Variants in PCDHGA2 observed in about 807,000 individuals in gnomAD.
PCDHGA2 encodes the protein protocadherin gamma subfamily A, 2, also known as protocadherin gamma-A2.
PCDHGA2 carries 40 observed loss-of-function variants against 59.2 expected under a neutral mutation model. That is an observed-to-expected ratio of 0.68 (90% confidence interval 0.52 to 0.88). PCDHGA2 has a LOEUF of 0.88. PCDHGA2 is among the 40% of genes least tolerant of loss of function. The probability of loss-of-function intolerance (pLI) is 0.00; values close to 1 mark genes in which losing one functional copy is unlikely to be tolerated. For synonymous variants in PCDHGA2, 560 were observed against 526.0 expected, an observed-to-expected ratio of 1.06 and a Z score of -0.89; for missense variants, 1,226 against 1,204.0, an observed-to-expected ratio of 1.02 and a Z score of -0.27.
intron 1 of PCDHGA2, chr5:141,395,296 ATG>A: frequency 6.6e-7 from 1 of 1,524,308 alleles, no homozygotes. Flanking sequence ...GGCATAAATT[ATG>A]TTTTGAAAAA....
intron 1 of PCDHGA2, chr5:141,419,534 G>C: frequency 6.2e-7 from 1 of 1,612,078 alleles, no homozygotes; most frequent in African/African-American, 1.3e-5. Context: ...TAACGACAAC[G>C]CACCGCGGGT....
At chr5:141,488,259 C>T (rs1594750656) in intron 1 of PCDHGA2, among the ~76,000 whole-genome samples, 1 of 152,144 alleles carries the variant, frequency 6.6e-6, no homozygotes, top group African/African-American at 2.4e-5. Context: ...AAGGTTGGGG[C>T]GGGTTGGTCA....
intron 1 of PCDHGA2, 47 bp downstream of exon 1, chr5:141,341,442 A>G (rs1392856500): frequency 1.2e-6 from 2 of 1,610,334 alleles, no homozygotes; most frequent in Non-Finnish European, 1.7e-6. Flanking sequence ...TTGCTGAAGT[A>G]ATTCACTTAC....
intron 1 of PCDHGA2, among the ~76,000 whole-genome samples, chr5:141,463,438 C>CTTTTTTTTT (rs71576115): frequency 4.8e-5 from 5 of 103,252 alleles, no homozygotes; most frequent in African/African-American, 2.2e-4. Context: ...TTTCCTTCTC[C>CTTTTTTTTT]TTTTTTTTTT....
intron 1 of PCDHGA2, among the ~76,000 whole-genome samples, chr5:141,447,275 G>A (rs2098532748): frequency 1.3e-5 from 2 of 152,154 alleles, no homozygotes; most frequent in South Asian, 2.1e-4. Context: ...AAGTAGCTGG[G>A]ACTACAGGCA....
chr5:141,382,990 A>T, intron 1 of PCDHGA2: 4 of 1,613,412 alleles, frequency 2.5e-6, no homozygotes, highest in Non-Finnish European at 3.4e-6. Context: ...GGCAGGACGT[A>T]TTCTCTACTC....
intron 1 of PCDHGA2, chr5:141,419,158 C>T (rs757849297): frequency 5.0e-6 from 8 of 1,613,950 alleles, no homozygotes; most frequent in Admixed American, 1.7e-5. Context: ...CTCCGTTATC[C>T]TCCAGCAAAA....
At chr5:141,418,641 T>C in intron 1 of PCDHGA2, 3 of 1,614,028 alleles carry the variant, frequency 1.9e-6, no homozygotes, top group Non-Finnish European at 2.5e-6. Flanking sequence ...GGCACCTCCA[T>C]CCTGAGAGTG....
chr5:141,382,167 G>A (rs1003056701), intron 1 of PCDHGA2, among the ~76,000 whole-genome samples: 7 of 152,038 alleles, frequency 4.6e-5, no homozygotes, highest in African/African-American at 1.7e-4. Context: ...GAAGGTGTTA[G>A]ACCGTCTCTA....
chr5:141,357,918 G>A (rs953225930), intron 1 of PCDHGA2, among the ~76,000 whole-genome samples: 1 of 152,172 alleles, frequency 6.6e-6, no homozygotes, highest in Non-Finnish European at 1.5e-5. Flanking sequence ...TGCTGGGTGT[G>A]GTGGCTCACA....
rs764056952 is a variant in PCDHGA2 at position 141,405,326 on chromosome 5, T to G, written c.2424+63931T>G. On this transcript the variant is annotated intron_variant, in intron 1 of 3. Transcript: ENST00000394576. ...GAGCTGTGAGAAAAATGAGCCTTTG[T>G]GCGTCTCTGTTGATTCCAAGTTTCC... The G allele has an allele frequency of 2.5e-6, 4 of 1,614,220 alleles. No individual in the cohort carries two copies. Among genetic ancestry groups the G allele is most frequent in the Admixed American group, 3.3e-5 (2 of 60,026 alleles).
At chr5:141,376,144 G>A (rs753001081) in intron 1 of PCDHGA2, 6 of 1,613,800 alleles carry the variant, frequency 3.7e-6, no homozygotes, top group South Asian at 1.1e-5. Context: ...CCAACGATTC[G>A]GACCTCACTC....
Position 141,341,191 on chromosome 5 carries a change from T to G in PCDHGA2, c.2220T>G (p.Phe740Leu), listed in dbSNP as rs1189040857. 6.2e-7 allele frequency: 1 copy of G among 1,614,108 alleles called. No individual in the cohort carries two copies. The highest frequency in any genetic ancestry group is 8.5e-7 in the Non-Finnish European group (1 of 1,180,054). The change falls in exon 1 of 4, where the codon TTT becomes TTG. Residue 740 changes from phenylalanine (F) to leucine (L), a missense_variant. By Grantham distance (22) the Phe-to-Leu change is conservative. Transcript: ENST00000394576. Reference sequence around the variant, plus strand: ...TGACAGGCATGCAGAGCTCGCACTTTGTGGGCGTGGACGGGGTTCGGGCTT... The same window carrying G: ...TGACAGGCATGCAGAGCTCGCACTTGGTGGGCGTGGACGGGGTTCGGGCTT... ...GSLTGMQSSH[F>L]VGVDGVRAFL...
At chr5:141,465,657 G>T (rs904553709) in intron 1 of PCDHGA2, among the ~76,000 whole-genome samples, 2 of 152,130 alleles carry the variant, frequency 1.3e-5, no homozygotes, top group Non-Finnish European at 2.9e-5. Context: ...CCAAAAAAGC[G>T]CTTGCCATGA....
chr5:141,419,936 G>T, intron 1 of PCDHGA2: 2 of 1,614,074 alleles, frequency 1.2e-6, no homozygotes, highest in Non-Finnish European at 1.7e-6. Context: ...GTTTTACCTG[G>T]TGGTGGCCTT....
intron 1 of PCDHGA2, chr5:141,374,993 T>C: frequency 6.2e-7 from 1 of 1,614,056 alleles, no homozygotes; most frequent in Non-Finnish European, 8.5e-7. Flanking sequence ...AATTTCAACT[T>C]CTGCAAATCT....
intron 1 of PCDHGA2, chr5:141,408,675 CG>C (rs757230674): frequency 2.3e-5 from 37 of 1,613,832 alleles, no homozygotes; most frequent in Non-Finnish European, 3.1e-5. Flanking sequence ...GACCCTGCCA[CG>C]GATCCTGATA....
At chr5:141,419,938 G>A in intron 1 of PCDHGA2, 1 of 1,614,102 alleles carries the variant, frequency 6.2e-7, no homozygotes, top group Non-Finnish European at 8.5e-7. Context: ...TTTACCTGGT[G>A]GTGGCCTTGG....
At chr5:141,439,202 A>AG (rs1348445707) in intron 1 of PCDHGA2, among the ~76,000 whole-genome samples, 2 of 151,954 alleles carry the variant, frequency 1.3e-5, no homozygotes, top group African/African-American at 4.8e-5. Context: ...AAAAAAAAAA[A>AG]AAATCCATAT....
Sources: gnomAD v4.1 joint callset for allele counts (sites outside exome capture counted in the v4.1 genomes callset) on GRCh38, gnomAD v4.1.1 for gene constraint, MANE v1.5 for transcripts, NCBI Gene and HGNC (gene_info 2026-07-23, HGNC 2026-07-21) for gene names.